Variants in DERPC observed in about 807,000 individuals in gnomAD.
The protein encoded by DERPC is decreased expression in renal and prostate cancer protein.
DERPC carries 1 observed loss-of-function variant against 7.2 expected under a neutral mutation model. The observed-to-expected ratio is 0.14, with a 90% CI of 0.05 to 0.66. DERPC has a LOEUF of 0.66. DERPC is among the 30% of genes least tolerant of loss of function. The pLI, the probability that DERPC is intolerant of heterozygous loss-of-function variation, is 0.84. For missense variants in DERPC, 502 were observed against 299.4 expected (o/e 1.68, Z -4.99); for synonymous variants, 185 against 117.6 (o/e 1.57, Z -3.71).
Position 69,122,274 on chromosome 16 carries a change from C to CT in DERPC, c.-279-782dup, listed in dbSNP as rs1013166832. Among the ~76,000 whole-genome samples, 73 of 152,222 alleles carry CT rather than the reference C, an allele frequency of 4.8e-4. 1 individual carries two copies. The highest frequency in any genetic ancestry group is 1.7e-3 in the African/African-American group (71 of 41,536). ...TGCAAAACTAATTAAGATCACATAGCTACTAAGGAAAAGATGATATGAACC... is the reference window on the plus strand; with the variant it reads ...TGCAAAACTAATTAAGATCACATAGCTTACTAAGGAAAAGATGATATGAACC... On this transcript the variant is annotated intron_variant, in intron 1 of 2. Transcript: ENST00000519520.
At chr16:69,121,673 T>G (rs1161375422) in intron 1 of DERPC, among the ~76,000 whole-genome samples, 180 bp from the exon 2 acceptor site, 1 of 147,930 alleles carries the variant, frequency 6.8e-6, no homozygotes, top group Non-Finnish European at 1.5e-5. Context: ...GAGATGGGGT[T>G]TTTTTTTTTT....
chr16:69,120,515 G>A lies in DERPC; in HGVS notation c.-87C>T, dbSNP rs774920630. On this transcript the variant is annotated 5_prime_UTR_variant, in exon 3 of 3. Transcript: ENST00000519520. The surrounding 1 kb of genome is among the most constrained non-coding windows in gnomAD (Gnocchi z 4.0). ...TGATGAGTGCTGTCACCAGGTACCG[G>A]GTGCCAGTCTCGCGGCCAAGCTCAT... The A allele has an allele frequency of 1.2e-6, 2 of 1,613,956 alleles. No homozygotes were observed. Among genetic ancestry groups the A allele is most frequent in the South Asian group, 2.2e-5 (2 of 91,082 alleles).
At chr16:69,129,429 C>CAAAAAAAAA (rs11420871) in intron 1 of DERPC, among the ~76,000 whole-genome samples, 2 of 75,596 alleles carry the variant, frequency 2.6e-5, no homozygotes, top group African/African-American at 4.9e-5. Flanking sequence ...GACTCCGTCA[C>CAAAAAAAAA]AAAAAAAAAA....
intron 1 of DERPC, among the ~76,000 whole-genome samples, chr16:69,129,019 G>A (rs1962293350): frequency 1.3e-5 from 2 of 151,706 alleles, no homozygotes; most frequent in African/African-American, 4.8e-5. Context: ...AGCCGAGACT[G>A]TGCCACTGCA....
chr16:69,128,270 C>T (rs1170980421), intron 1 of DERPC, among the ~76,000 whole-genome samples: 1 of 152,128 alleles, frequency 6.6e-6, no homozygotes, highest in East Asian at 1.9e-4. Context: ...ACATGTCTTT[C>T]GTTAGGAACA....
At chr16:69,121,180 A>C in intron 2 of DERPC, 1 of 1,609,276 alleles carries the variant, frequency 6.2e-7, no homozygotes, top group Non-Finnish European at 8.5e-7. Context: ...ACTGCAAGCA[A>C]AGGGCTGGCG....
rs759966436 is a variant in DERPC at position 69,120,310 on chromosome 16, G to A, written c.119C>T (p.Thr40Ile). The A allele has an allele frequency of 1.0e-6, 1 of 983,242 alleles. No homozygotes were observed. The highest frequency in any genetic ancestry group is 1.3e-5 in the South Asian group (1 of 75,574). 60.9% of individuals were successfully genotyped at this position (983,242 alleles called of 1,614,324 possible). Residue 40 changes from threonine (T) to isoleucine (I), a missense_variant, in exon 3 of 3, where the codon ACA becomes ATA. Thr to Ile is a moderately conservative substitution (Grantham distance 89). Transcript: ENST00000519520. The surrounding 1 kb of genome is among the most constrained non-coding windows in gnomAD (Gnocchi z 4.0). The part of the protein sequence containing the change: ...LGPQGGPVLN[T>I]GHPLGVNSDP... ...CGAGTTCACACCCAGTGGGTGGCCTGTGTTCAGAACAGGACCCCCCTGTGG... is the reference window on the plus strand; with the variant it reads ...CGAGTTCACACCCAGTGGGTGGCCTATGTTCAGAACAGGACCCCCCTGTGG...
intron 1 of DERPC, among the ~76,000 whole-genome samples, chr16:69,127,988 C>G (rs1962203521): frequency 6.6e-6 from 1 of 151,906 alleles, no homozygotes; most frequent in South Asian, 2.1e-4. Context: ...AATCTCGGCT[C>G]ACTGCAACCT....
intron 1 of DERPC, among the ~76,000 whole-genome samples, chr16:69,130,826 C>A (rs527815693): frequency 6.6e-6 from 1 of 152,280 alleles, no homozygotes; most frequent in South Asian, 2.1e-4. Context: ...ACGAAAGCAG[C>A]AGGTCATCAG....
intron 1 of DERPC, among the ~76,000 whole-genome samples, 178 bp from the exon 2 acceptor site, chr16:69,121,671 GTTTT>G (rs893564251): frequency 2.1e-5 from 3 of 141,258 alleles, no homozygotes; most frequent in African/African-American, 5.2e-5. Flanking sequence ...TAGAGATGGG[GTTTT>G]TTTTTTTTTT....
intron 1 of DERPC, among the ~76,000 whole-genome samples, chr16:69,125,040 G>C (rs575000232): frequency 8.5e-5 from 13 of 152,234 alleles, no homozygotes; most frequent in African/African-American, 3.1e-4. Flanking sequence ...GAGTAGCTAG[G>C]ATTATAGGCA....
chr16:69,121,240 A>G (rs977723849), intron 2 of DERPC, 196 bp downstream of exon 2: 4 of 1,438,710 alleles, frequency 2.8e-6, no homozygotes, highest in Non-Finnish European at 3.9e-6. Flanking sequence ...TCACACCACC[A>G]TTTGAGGCCC....
rs1200805794 is a variant in DERPC, at chr16:69,118,585, T to G, written c.*269A>C. The G allele has an allele frequency of 1.1e-5, 8 of 736,214 alleles. No homozygotes were observed. Among genetic ancestry groups the G allele is most frequent in the Non-Finnish European group, 1.7e-5 (7 of 406,488 alleles). 45.6% of individuals were successfully genotyped at this position (736,214 alleles called of 1,614,324 possible). The stretch of plus-strand genomic sequence containing the variant: ...TAGTAAGAAACAATGGGCAGAAAGC[T>G]GTGGGACGAAAGCACAGCAGGCTTC... On this transcript the variant is annotated 3_prime_UTR_variant, in exon 3 of 3. Transcript: ENST00000519520.
chr16:69,123,012 G>A (rs907132570), intron 1 of DERPC, among the ~76,000 whole-genome samples: 2 of 152,038 alleles, frequency 1.3e-5, no homozygotes, highest in African/African-American at 4.8e-5. Flanking sequence ...GCCCACCTTG[G>A]CCTCTCAAAG....
intron 1 of DERPC, among the ~76,000 whole-genome samples, chr16:69,129,223 G>A (rs561549120): frequency 1.3e-5 from 2 of 152,080 alleles, no homozygotes; most frequent in South Asian, 4.2e-4. Flanking sequence ...GAGGTCAGGA[G>A]ATCGAGATCA....
chr16:69,132,173 G>A (rs1962588863), intron 1 of DERPC: 2 of 141,040 alleles, frequency 1.4e-5, no homozygotes, highest in Non-Finnish European at 1.5e-5. Context: ...GCTCCGCCCC[G>A]CTCGCTCCCT....
chr16:69,118,450 T>TAGAG lies in DERPC; in HGVS notation c.*400_*403dup, dbSNP rs1961334704. ...GGTCCGTTCACCAACGCCACGTTTCTAGAGAGCAGTGAGCTGATTCTCCAA... is the reference window on the plus strand; with the variant it reads ...GGTCCGTTCACCAACGCCACGTTTCTAGAGAGAGAGCAGTGAGCTGATTCTCCAA... On this transcript the variant is annotated 3_prime_UTR_variant, in exon 3 of 3. Coordinates refer to ENST00000519520, the MANE Select transcript of DERPC (RefSeq NM_001002847.4). 1 of 1,604,072 alleles carries TAGAG rather than the reference T, an allele frequency of 6.2e-7. No individual in the cohort carries two copies. Among genetic ancestry groups the TAGAG allele is most frequent in the East Asian group, 2.2e-5 (1 of 44,844 alleles).
At chr16:69,127,896 C>G (rs1181533287) in intron 1 of DERPC, among the ~76,000 whole-genome samples, 1 of 151,704 alleles carries the variant, frequency 6.6e-6, no homozygotes, top group Admixed American at 6.6e-5. Context: ...AGGCGTGAAC[C>G]ACCGTGCCCG....
chr16:69,121,154 G>C, intron 2 of DERPC: 1 of 1,613,112 alleles, frequency 6.2e-7, no homozygotes, highest in Non-Finnish European at 8.5e-7. Flanking sequence ...CATTCTGCCA[G>C]GCCTCCAGCC....
Sources: allele counts gnomAD v4.1 joint callset (sites outside exome capture counted in the v4.1 genomes callset), GRCh38; gene constraint gnomAD v4.1.1; non-coding constraint Gnocchi (gnomAD v3.1); transcripts MANE v1.5; gene names NCBI Gene and HGNC (gene_info 2026-07-23, HGNC 2026-07-21).